Variants in NTMT1 observed in about 807,000 individuals in gnomAD.
The protein encoded by NTMT1 is N-terminal Xaa-Pro-Lys N-methyltransferase 1, also known as N-terminal RCC1 methyltransferase.
A neutral mutation model predicts 17.5 loss-of-function variants in NTMT1; 8 were observed. The ratio of observed to expected loss-of-function variants is 0.46; its 90% CI spans 0.27 to 0.82. The LOEUF (loss-of-function observed/expected upper bound fraction) is 0.82, where lower values mean the gene tolerates loss of function less well. Ranked by LOEUF, NTMT1 falls within the 40% of genes least tolerant of loss-of-function variation. NTMT1 has a pLI of 0.15. For missense variants in NTMT1, 221 were observed against 303.5 expected (o/e 0.73, Z 2.02); for synonymous variants, 128 against 126.8 (o/e 1.01, Z -0.06).
At position 129,620,583 on chromosome 9, in the gene NTMT1, C is replaced by A; in HGVS notation, c.-55+11405C>A. 7.5e-7 allele frequency: 1 copy of A among 1,336,006 alleles called. No homozygotes were observed. The highest frequency in any genetic ancestry group is 9.6e-7 in the Non-Finnish European group (1 of 1,042,080). The allele number at this position is 1,336,006 out of a possible 1,614,324, so 82.8% of individuals were successfully genotyped here. On this transcript the variant is annotated intron_variant, in intron 1 of 3. Coordinates refer to the NTMT1 transcript ENST00000372486. This position sits in a 1 kb window ranked among gnomAD's most constrained non-coding sequence, Gnocchi z 5.8. Reference sequence around the variant, plus strand: ...AGTCGACGCCAGAACATGCTTGGCCCCGCACTCAGCTCACCGCACCCTCAG... The same window carrying A: ...AGTCGACGCCAGAACATGCTTGGCCACGCACTCAGCTCACCGCACCCTCAG...
chr9:129,632,749 G>A lies in NTMT1; in HGVS notation c.46G>A (p.Ala16Thr). 1 of 1,614,164 alleles carries A rather than the reference G, an allele frequency of 6.2e-7. No homozygotes were observed. The highest frequency in any genetic ancestry group is 8.5e-7 in the Non-Finnish European group (1 of 1,180,026). The stretch of plus-strand genomic sequence containing the variant: ...AGACGAGAAGCAATTCTATTCCAAG[G>A]CCAAGACCTACTGGAAACAAATCCC... ...IEDEKQFYSK[A>T]KTYWKQIPPT... Residue 16 changes from alanine (A) to threonine (T), a missense_variant, in exon 2 of 4, where the codon GCC becomes ACC. Ala to Thr is a moderately conservative substitution (Grantham distance 58, BLOSUM62 0). Transcript: ENST00000372483.
At chr9:129,616,373 G>A (rs1382555433) in intron 1 of NTMT1, among the ~76,000 whole-genome samples, 4 of 152,152 alleles carry the variant, frequency 2.6e-5, no homozygotes, top group African/African-American at 7.2e-5. Flanking sequence ...GTGCCACCAC[G>A]CCCGGCTAAT....
chr9:129,617,047 C>T (rs191057437), intron 1 of NTMT1, among the ~76,000 whole-genome samples: 4 of 151,308 alleles, frequency 2.6e-5, no homozygotes, highest in East Asian at 3.9e-4. Context: ...AGCCTAGGGA[C>T]GGAGTGAGAC....
In NTMT1 at chr9:129,632,843, A is replaced by G. The variant is rs1348278636; in HGVS notation, c.140A>G (p.Lys47Arg). The G allele has an allele frequency of 1.9e-6, 3 of 1,614,004 alleles. No homozygotes were observed. The highest frequency in any genetic ancestry group is 2.5e-6 in the Non-Finnish European group (3 of 1,180,018). Residue 47 changes from lysine (K) to arginine (R), a missense_variant, in exon 2 of 4, where the codon AAG becomes AGG. Physicochemically the swap from Lys to Arg is conservative, Grantham distance 26 (BLOSUM62 2). Coordinates refer to ENST00000372483, the MANE Select transcript of NTMT1 (RefSeq NM_014064.4). Reference protein sequence around the residue: ...ISSIDINSSRKFLQRFLREGP... With the variant: ...ISSIDINSSRRFLQRFLREGP... ...AGCATCGACATCAACAGCTCCCGGA[A>G]GTTTCTGCAGAGGTTTTTGAGGGTA...
At chr9:129,627,117 C>G (rs1301062429) in intron 1 of NTMT1, among the ~76,000 whole-genome samples, 1 of 152,210 alleles carries the variant, frequency 6.6e-6, no homozygotes, top group African/African-American at 2.4e-5. Context: ...ACGTCACTTC[C>G]TTTAGTGTGC....
chr9:129,619,507 G>A (rs377213472), intron 1 of NTMT1: 33 of 1,589,922 alleles, frequency 2.1e-5, no homozygotes, highest in Middle Eastern at 3.3e-4. Flanking sequence ...CCCTTATCCC[G>A]CCCATCACTC....
At chr9:129,632,931 G>T (rs772580774) in intron 2 of NTMT1, 66 bp downstream of exon 2, 2 of 1,546,832 alleles carry the variant, frequency 1.3e-6, no homozygotes, top group East Asian at 2.3e-5. Flanking sequence ...AGTCCATGTG[G>T]GGTGCCACCT....
intron 1 of NTMT1, among the ~76,000 whole-genome samples, chr9:129,615,315 A>C: frequency 6.6e-6 from 1 of 152,230 alleles, no homozygotes; most frequent in East Asian, 1.9e-4. Flanking sequence ...TTCGAAGGTC[A>C]ACCTGACATC....
intron 1 of NTMT1, among the ~76,000 whole-genome samples, chr9:129,617,217 A>G (rs1588117961): frequency 6.6e-6 from 1 of 152,242 alleles, no homozygotes; most frequent in African/African-American, 2.4e-5. Flanking sequence ...CCACATCTGT[A>G]TGTCTGTGTA....
At chr9:129,628,359 CT>C (rs1410855947) in intron 1 of NTMT1, among the ~76,000 whole-genome samples, 1 of 152,212 alleles carries the variant, frequency 6.6e-6, no homozygotes, top group Non-Finnish European at 1.5e-5. Flanking sequence ...TGTGCCTCCC[CT>C]GGCTTGTTCC....
rs1657279377 is a variant in NTMT1 at position 129,620,074 on chromosome 9, C to T, written c.-55+10896C>T. ...GGCCCCGCGGGGCCTCACTCAGTGG[C>T]TCCGGCTCCTCGGCGCACTTCTCCT... On this transcript the variant is annotated intron_variant, in intron 1 of 3. Transcript: ENST00000372486. This position sits in a 1 kb window ranked among gnomAD's most constrained non-coding sequence, Gnocchi z 5.8. 1 of 1,452,216 alleles carries T rather than the reference C, an allele frequency of 6.9e-7. No individual in the cohort carries two copies. The highest frequency in any genetic ancestry group is 2.8e-5 in the Admixed American group (1 of 35,182). The allele number at this position is 1,452,216 out of a possible 1,614,324, so 90.0% of individuals were successfully genotyped here.
rs529316124 is a variant in NTMT1, at chr9:129,614,885, G to C, written c.-55+5707G>C. Among the ~76,000 whole-genome samples the C allele has an allele frequency of 7.0e-3, 1,060 of 152,072 alleles. 35 individuals carry two copies. Among genetic ancestry groups the C allele is most frequent in the Admixed American group, 0.042 (647 of 15,272 alleles). ...CCACTGCACTCCAGCCTGGGCGACA[G>C]AGTGAGACTCCGTATCAGAAAAAAA... On this transcript the variant is annotated intron_variant, in intron 1 of 3. Coordinates refer to the NTMT1 transcript ENST00000372486. The surrounding 1 kb of genome is among the most constrained non-coding windows in gnomAD (Gnocchi z 4.4).
At chr9:129,634,394 T>G in intron 3 of NTMT1, 88 bp downstream of exon 3, 1 of 1,476,966 alleles carries the variant, frequency 6.8e-7, no homozygotes, top group Non-Finnish European at 9.1e-7. Context: ...GGCTTTGCAC[T>G]CCTGCAGCAA....
Position 129,620,206 on chromosome 9 carries a change from C to T in NTMT1, c.-55+11028C>T, listed in dbSNP as rs1218506857. On this transcript the variant is annotated intron_variant, in intron 1 of 3. Transcript: ENST00000372486. This position sits in a 1 kb window ranked among gnomAD's most constrained non-coding sequence, Gnocchi z 5.8. Reference sequence around the variant, plus strand: ...CCACGCGCCTCCGGGGGCGCTCGCGCTCTCCAGGCCCTGGCTGCCTGGGCG... The same window carrying T: ...CCACGCGCCTCCGGGGGCGCTCGCGTTCTCCAGGCCCTGGCTGCCTGGGCG... 2.1e-6 allele frequency: 3 copies of T among 1,419,426 alleles called. No individual in the cohort carries two copies. The highest frequency in any genetic ancestry group is 1.8e-6 in the Non-Finnish European group (2 of 1,082,122). The allele number at this position is 1,419,426 out of a possible 1,614,324, so 87.9% of individuals were successfully genotyped here. A position where few individuals can be genotyped will look rare whatever the true frequency, so the allele number is the denominator to read the frequency against.
At chr9:129,618,038 A>G (rs532735845) in intron 1 of NTMT1, among the ~76,000 whole-genome samples, 1 of 152,250 alleles carries the variant, frequency 6.6e-6, no homozygotes, top group Admixed American at 6.5e-5. Context: ...TACCTAGAGT[A>G]CTGTGTGAGG....
chr9:129,615,464 T>C, intron 1 of NTMT1: 1 of 1,559,188 alleles, frequency 6.4e-7, no homozygotes, highest in Non-Finnish European at 8.7e-7. Flanking sequence ...GTCTCGAGGC[T>C]CCCCATCCTG....
rs1353797482 is a variant in NTMT1 at position 129,613,123 on chromosome 9, T to C, written c.-55+3945T>C. 6.2e-7 allele frequency: 1 copy of C among 1,613,866 alleles called. No individual in the cohort carries two copies. Among genetic ancestry groups the C allele is most frequent in the Non-Finnish European group, 8.5e-7 (1 of 1,179,990 alleles). On this transcript the variant is annotated intron_variant, in intron 1 of 3. Coordinates refer to the NTMT1 transcript ENST00000372486. This position sits in a 1 kb window ranked among gnomAD's most constrained non-coding sequence, Gnocchi z 6.2. ...TTTGCCCACCTGCTCCAGGTTTCTG[T>C]GCGGGTCCAAGAAGGCTCGGAGGCT...
rs148559216 is a variant in NTMT1, at chr9:129,626,828, C to T, written c.-55+533C>T. ...CTTGCGGCCAAGGTCAGCCTGTCTG[C>T]AGGGAGGCTGCCATATCGAAAAGCC... On this transcript the variant is annotated intron_variant, in intron 1 of 3. Coordinates refer to ENST00000372483, the MANE Select transcript of NTMT1 (RefSeq NM_014064.4). Among the ~76,000 whole-genome samples, 261 of 152,320 alleles carry T rather than the reference C, an allele frequency of 1.7e-3. 1 individual carries two copies. The highest frequency in any genetic ancestry group is 6.1e-3 in the African/African-American group (252 of 41,578).
rs1431281505 is a variant in NTMT1 at position 129,620,132 on chromosome 9, G to A, written c.-55+10954G>A. 4.1e-6 allele frequency: 6 copies of A among 1,458,464 alleles called. No homozygotes were observed. In the African/African-American group the frequency reaches 4.3e-5, roughly 10 times the overall value. The allele number at this position is 1,458,464 out of a possible 1,614,324, so 90.3% of individuals were successfully genotyped here. On this transcript the variant is annotated intron_variant, in intron 1 of 3. Transcript: ENST00000372486. This position sits in a 1 kb window ranked among gnomAD's most constrained non-coding sequence, Gnocchi z 5.8. ...GTGCAGGAACTCACGGAACCTGCTG[G>A]GGAGGAGCTCTCCTAGGAAGGCGCC...
Sources: gnomAD v4.1 joint callset for allele counts (sites outside exome capture counted in the v4.1 genomes callset) on GRCh38, gnomAD v4.1.1 for gene constraint, Gnocchi (gnomAD v3.1) non-coding constraint, MANE v1.5 for transcripts, NCBI Gene and HGNC (gene_info 2026-07-23, HGNC 2026-07-21) for gene names.